ZNF98: variants seen among roughly 807,000 people sequenced by gnomAD.
ZNF98 encodes zinc finger protein 98, also known as zinc finger protein 739.
A neutral mutation model predicts 12.8 loss-of-function variants in ZNF98; 8 were observed. The ratio of observed to expected loss-of-function variants is 0.63; its 90% CI spans 0.37 to 1.13. ZNF98 has a LOEUF of 1.13. Among genes scored for constraint, ZNF98 ranks in the 50% most tolerant of loss-of-function variants. ZNF98 has a pLI of 0.01. For missense variants in ZNF98, 379 were observed against 666.1 expected, an observed-to-expected ratio of 0.57 and a Z score of 4.74; for synonymous variants, 112 against 223.5, an observed-to-expected ratio of 0.50 and a Z score of 4.45.
intron 3 of ZNF98, among the ~76,000 whole-genome samples, chr19:22,401,671 G>C (rs1969458904): frequency 2.0e-5 from 3 of 151,264 alleles, no homozygotes; most frequent in African/African-American, 7.3e-5. Context: ...TTTTAGTAGA[G>C]ACAGGGTTTC....
At chr19:22,393,772 T>C (rs1433149776) in intron 3 of ZNF98, among the ~76,000 whole-genome samples, 2 of 152,134 alleles carry the variant, frequency 1.3e-5, no homozygotes, top group African/African-American at 4.8e-5. Context: ...GACACAGGTA[T>C]GGGCAAGGAC....
intron 3 of ZNF98, among the ~76,000 whole-genome samples, chr19:22,401,634 T>C (rs1319813727): frequency 6.6e-6 from 1 of 151,594 alleles, no homozygotes; most frequent in African/African-American, 2.4e-5. Flanking sequence ...CAGGCGCCTG[T>C]CACCACGCCT....
chr19:22,396,403 G>T (rs1445717638), intron 3 of ZNF98, among the ~76,000 whole-genome samples: 1 of 151,826 alleles, frequency 6.6e-6, no homozygotes, highest in Non-Finnish European at 1.5e-5. Context: ...ATACAAAAGT[G>T]AATTAGAAAT....
Position 22,391,589 on chromosome 19 carries a change from T to G in ZNF98, c.1646A>C (p.Glu549Ala). Reference protein sequence around the residue: ...IHTGEKLYKPESCNNACDNIA... With the variant: ...IHTGEKLYKPASCNNACDNIA... Reference sequence around the variant, plus strand: ...GTTGTCACAAGCATTGTTACAACTTTCAGGTTTGTAGAGTTTCTCTCCAGT... The same window carrying G: ...GTTGTCACAAGCATTGTTACAACTTGCAGGTTTGTAGAGTTTCTCTCCAGT... Residue 549 changes from glutamate to alanine, a missense_variant, in exon 4 of 4, where the codon GAA becomes GCA. This residue lies in a region of ZNF98 where 15 missense variants were observed against 35.6 expected (regional missense o/e 0.42). Coordinates refer to ENST00000357774, the MANE Select transcript of ZNF98 (RefSeq NM_001098626.2). The G allele has an allele frequency of 6.2e-7, 1 of 1,607,066 alleles. No individual in the cohort carries two copies. The highest frequency in any genetic ancestry group is 8.5e-7 in the Non-Finnish European group (1 of 1,176,752).
intron 3 of ZNF98, among the ~76,000 whole-genome samples, chr19:22,394,172 A>T (rs1250673916): frequency 6.9e-6 from 1 of 145,696 alleles, no homozygotes; most frequent in Non-Finnish European, 1.5e-5. Context: ...TGATCATTAA[A>T]AAGTCAGGAG....
chr19:22,391,164 C>T lies in ZNF98; in HGVS notation c.*352G>A, dbSNP rs1338810894. The stretch of plus-strand genomic sequence containing the variant: ...AAGATCTGTGTTACAAGTAAAGTTA[C>T]CACAACTTCGTTTATATTTGTAATG... On this transcript the variant is annotated 3_prime_UTR_variant, in exon 4 of 4. Coordinates refer to ENST00000357774, the MANE Select transcript of ZNF98 (RefSeq NM_001098626.2). 2 of 234,534 alleles carry T rather than the reference C, an allele frequency of 8.5e-6. No homozygotes were observed. The allele number at this position is 234,534 out of a possible 1,614,324, so 14.5% of individuals were successfully genotyped here. A position where few individuals can be genotyped will look rare whatever the true frequency, so the allele number is the denominator to read the frequency against.
intron 1 of ZNF98, among the ~76,000 whole-genome samples, chr19:22,404,696 T>C (rs567325139): frequency 5.3e-5 from 8 of 152,330 alleles, no homozygotes; most frequent in Admixed American, 2.6e-4. Flanking sequence ...GAAACATTGG[T>C]TTTATGCAAA....
intron 1 of ZNF98, among the ~76,000 whole-genome samples, chr19:22,407,691 G>A: frequency 6.6e-6 from 1 of 151,538 alleles, no homozygotes. Flanking sequence ...CAACCTGGAT[G>A]ACAGAGTGAG....
intron 1 of ZNF98, among the ~76,000 whole-genome samples, chr19:22,405,430 A>G (rs1341209027): frequency 6.6e-6 from 1 of 152,110 alleles, no homozygotes; most frequent in East Asian, 1.9e-4. Flanking sequence ...GGCAGCTGGC[A>G]TGACCCACGG....
At chr19:22,422,154 C>A (rs1215208040) in intron 1 of ZNF98, 41 bp downstream of exon 1, 10 of 1,612,240 alleles carry the variant, frequency 6.2e-6, no homozygotes, top group Non-Finnish European at 8.5e-6. Context: ...TTCCAACCAG[C>A]CCCTTCTCCT....
rs1179371304 is a variant in ZNF98 at position 22,392,739 on chromosome 19, A to C, written c.496T>G (p.Phe166Val). 1 of 1,607,688 alleles carries C rather than the reference A, an allele frequency of 6.2e-7. No individual in the cohort carries two copies. The highest frequency in any genetic ancestry group is 1.1e-5 in the South Asian group (1 of 90,322). ...ATCTTATGTCTGTTTGAATTTGAAA[A>C]TTTATGAAAGACTTTCACATATTTG... The part of the protein sequence containing the change: ...YDKYVKVFHK[F>V]SNSNRHKIGH... The change falls in exon 4 of 4, where the codon TTT becomes GTT. Residue 166 changes from phenylalanine (F) to valine (V), a missense_variant. This residue lies in a region of ZNF98 where 223 missense variants were observed against 261.6 expected (regional missense o/e 0.85). Transcript: ENST00000357774.
chr19:22,397,212 T>TGTGTGTG (rs1555703682), intron 3 of ZNF98, among the ~76,000 whole-genome samples: 2 of 145,326 alleles, frequency 1.4e-5, no homozygotes, highest in South Asian at 2.2e-4. Context: ...GTGTGTGTTT[T>TGTGTGTG]TGTGTGTGTG....
intron 3 of ZNF98, among the ~76,000 whole-genome samples, chr19:22,395,665 A>G (rs1969383282): frequency 6.6e-6 from 1 of 152,190 alleles, no homozygotes; most frequent in Non-Finnish European, 1.5e-5. Flanking sequence ...AATGAAGTTC[A>G]ACAAACAAAT....
intron 1 of ZNF98, among the ~76,000 whole-genome samples, chr19:22,418,350 A>G (rs1969666651): frequency 6.6e-6 from 1 of 152,206 alleles, no homozygotes; most frequent in African/African-American, 2.4e-5. Flanking sequence ...TATAACCCCC[A>G]AAAGAGTCAA....
intron 1 of ZNF98, among the ~76,000 whole-genome samples, chr19:22,411,116 T>TA (rs1969575674): frequency 6.6e-6 from 1 of 152,136 alleles, no homozygotes; most frequent in Admixed American, 6.6e-5. Context: ...GATCTGCACT[T>TA]ACTGCAACCT....
In ZNF98 at chr19:22,391,762, T is replaced by A; in HGVS notation, c.1473A>T (p.Lys491Asn). The A allele has an allele frequency of 6.2e-7, 1 of 1,602,514 alleles. No individual in the cohort carries two copies. Among genetic ancestry groups the A allele is most frequent in the South Asian group, 1.1e-5 (1 of 89,112 alleles). ...KVIHTGEKPY[K>N]CEECGKAFNQ... ...TAAAAGCTTTGCCACATTCTTCACA[T>A]TTGTAGGGCTTCTCTCCAGTATGAA... Residue 491 changes from lysine to asparagine, a missense_variant, in exon 4 of 4, where the codon AAA becomes AAT. Physicochemically the swap from Lys to Asn is moderately conservative, Grantham distance 94. Coordinates refer to ENST00000357774, the MANE Select transcript of ZNF98 (RefSeq NM_001098626.2).
Position 22,391,783 on chromosome 19 carries a change from A to G in ZNF98, c.1452T>C (p.His484=), listed in dbSNP as rs1429928344. 6.2e-7 allele frequency: 1 copy of G among 1,602,278 alleles called. No homozygotes were observed. The part of the protein sequence containing the change: ...SSTLSKHKVI[H]TGEKPYKCEE... ...CACATTTGTAGGGCTTCTCTCCAGT[A>G]TGAATTACCTTATGTTTAGAAAGAG... The change falls in exon 4 of 4, where the codon CAT becomes CAC. Residue 484 remains histidine, a synonymous_variant. Coordinates refer to ENST00000357774, the MANE Select transcript of ZNF98 (RefSeq NM_001098626.2).
At chr19:22,401,003 G>T (rs1439704182) in intron 3 of ZNF98, among the ~76,000 whole-genome samples, 1 of 150,786 alleles carries the variant, frequency 6.6e-6, no homozygotes, top group Admixed American at 6.6e-5. Context: ...ACTTGAAGAG[G>T]TGTTTACTCC....
chr19:22,402,634 T>C (rs1406177261), intron 3 of ZNF98, 155 bp downstream of exon 3: 5 of 747,690 alleles, frequency 6.7e-6, no homozygotes, highest in African/African-American at 1.9e-5. Flanking sequence ...AAGATGCTTC[T>C]ATGTGAAAGC....
Sources: gnomAD v4.1 joint callset for allele counts (sites outside exome capture counted in the v4.1 genomes callset) on GRCh38, gnomAD v4.1.1 for gene constraint, gnomAD v4.1.1 regional missense constraint, MANE v1.5 for transcripts, NCBI Gene and HGNC (gene_info 2026-07-23, HGNC 2026-07-21) for gene names.